The following ABCC9 variants were observed in gnomAD, a reference collection of about 807,000 sequenced individuals.
The protein encoded by ABCC9 is ATP-binding cassette sub-family C member 9.
Under a neutral mutation model 188.3 loss-of-function variants are expected in ABCC9, and 95 were observed. That is an observed-to-expected ratio of 0.50 (90% CI 0.43 to 0.60). The LOEUF (loss-of-function observed/expected upper bound fraction) is 0.60. Ranked by LOEUF, ABCC9 falls within the 20% of genes least tolerant of loss-of-function variation. The pLI, the probability that ABCC9 is intolerant of heterozygous loss-of-function variation, is 0.00. For synonymous variants in ABCC9, 659 were observed against 652.7 expected, an observed-to-expected ratio of 1.01 and a Z score of -0.15; for missense variants, 1,102 against 1,876.3, an observed-to-expected ratio of 0.59 and a Z score of 7.62.
At chr12:21,883,505 T>C (rs1190773708) in intron 15 of ABCC9, among the ~76,000 whole-genome samples, 1 of 152,198 alleles carries the variant, frequency 6.6e-6, no homozygotes, top group African/African-American at 2.4e-5. Context: ...GTGAGTCCAT[T>C]AAACCTCTTT....
At chr12:21,841,679 A>G (rs1000630068) in intron 29 of ABCC9, among the ~76,000 whole-genome samples, 1 of 151,872 alleles carries the variant, frequency 6.6e-6, no homozygotes, top group Admixed American at 6.6e-5. Flanking sequence ...TTTGTTTTCT[A>G]TCAATGTCAT....
intron 12 of ABCC9, among the ~76,000 whole-genome samples, chr12:21,899,607 C>T (rs1947610518): frequency 6.6e-6 from 1 of 152,218 alleles, no homozygotes; most frequent in African/African-American, 2.4e-5. Flanking sequence ...AGGTCACTCC[C>T]ACTCTAATAC....
chr12:21,802,173 G>T (rs928806722), intron 39 of ABCC9, among the ~76,000 whole-genome samples: 4 of 152,132 alleles, frequency 2.6e-5, no homozygotes, highest in Non-Finnish European at 4.4e-5. Flanking sequence ...TATAGTTCCA[G>T]TTTCACATCT....
chr12:21,923,915 C>T (rs1055910302), intron 5 of ABCC9: 1 of 666,858 alleles, frequency 1.5e-6, no homozygotes, highest in Non-Finnish European at 2.7e-6. Context: ...TATAGTTATA[C>T]AATGAAATGC....
In ABCC9 at chr12:21,869,033, TTAAA is replaced by T. The variant is rs376428704; in HGVS notation, c.2198+3588_2198+3591del. Among the ~76,000 whole-genome samples, 120 of 152,328 alleles carry T rather than the reference TTAAA, an allele frequency of 7.9e-4. 3 individuals are homozygous for T. The South Asian group carries it at 0.024, about 30-fold the overall frequency. On this transcript the variant is annotated intron_variant, in intron 18 of 39. Coordinates refer to ENST00000261200, the MANE Select transcript of ABCC9 (RefSeq NM_020297.4). ...TGAAAAAAATAAGTAATTCTTTTAA[TTAAA>T]TAAAAATAGAATTTGCATTAACTTA...
Position 21,818,158 on chromosome 12 carries a change from CA to C in ABCC9, c.3762del (p.Tyr1254Ter). The C allele has an allele frequency of 6.2e-7, 1 of 1,610,376 alleles. No individual in the cohort carries two copies. The highest frequency in any genetic ancestry group is 2.2e-5 in the East Asian group (1 of 44,864). ...NSGLVGLGLLYALTITNYLNW... is the reference protein window; with the variant it reads ...NSGLVGLGLLXALTITNYLNW... ...TTTTTATCCATACCTACCGTAAGTG[CA>C]TACAGAAGACCCAAGCCTACCAATC... On this transcript the variant is annotated frameshift_variant, in exon 32 of 40. Transcript: ENST00000261200. LOFTEE classifies it high-confidence loss of function.
intron 5 of ABCC9, chr12:21,925,582 A>C: frequency 1.4e-6 from 1 of 694,138 alleles, no homozygotes; most frequent in South Asian, 1.5e-5. Context: ...ACTTGTTCAC[A>C]GGGCAGCATG....
chr12:21,904,036 A>G (rs1947906223), intron 12 of ABCC9, among the ~76,000 whole-genome samples: 2 of 152,238 alleles, frequency 1.3e-5, no homozygotes, highest in Admixed American at 1.3e-4. Flanking sequence ...CCATACTACA[A>G]GGCTACAGTA....
At chr12:21,923,831 G>A (rs786205274) in intron 5 of ABCC9, 1 of 700,018 alleles carries the variant, frequency 1.4e-6, no homozygotes, top group Non-Finnish European at 2.6e-6. Context: ...GTTGATAGCA[G>A]CTTTTACTCT....
At chr12:21,837,037 C>G (rs754552079) in intron 30 of ABCC9, among the ~76,000 whole-genome samples, 1 of 151,974 alleles carries the variant, frequency 6.6e-6, no homozygotes, top group Non-Finnish European at 1.5e-5. Context: ...ATGTTCGGTA[C>G]TCAAATGTTT....
chr12:21,829,740 G>A (rs2137280682), intron 30 of ABCC9, among the ~76,000 whole-genome samples: 1 of 152,286 alleles, frequency 6.6e-6, no homozygotes, highest in East Asian at 1.9e-4. Flanking sequence ...AGGATAAATT[G>A]TGTAGAAATG....
chr12:21,922,125 G>A (rs972696572), intron 5 of ABCC9, among the ~76,000 whole-genome samples: 4 of 151,728 alleles, frequency 2.6e-5, no homozygotes, highest in East Asian at 3.9e-4. Flanking sequence ...ATTTTGATAG[G>A]GATTGCATTA....
chr12:21,874,237 C>A (rs1384966854), intron 17 of ABCC9, among the ~76,000 whole-genome samples: 1 of 152,004 alleles, frequency 6.6e-6, no homozygotes, highest in African/African-American at 2.4e-5. Context: ...CAAATGGCCA[C>A]CAGGTATATA....
chr12:21,896,483 T>C (rs1409305843), intron 12 of ABCC9, among the ~76,000 whole-genome samples: 1 of 152,234 alleles, frequency 6.6e-6, no homozygotes, highest in Non-Finnish European at 1.5e-5. Flanking sequence ...GTGCAGGATA[T>C]GCGGGCTTGT....
intron 24 of ABCC9, among the ~76,000 whole-genome samples, chr12:21,850,230 A>C (rs1434616647): frequency 6.6e-6 from 1 of 151,754 alleles, no homozygotes; most frequent in African/African-American, 2.4e-5. Flanking sequence ...GTCCTCTAGG[A>C]GGGAAAATTG....
intron 16 of ABCC9, among the ~76,000 whole-genome samples, chr12:21,878,728 A>G (rs1946486996): frequency 6.6e-6 from 1 of 151,222 alleles, no homozygotes; most frequent in South Asian, 2.1e-4. Flanking sequence ...AAGTAGCAGG[A>G]AAGAACTAAA....
intron 29 of ABCC9, among the ~76,000 whole-genome samples, chr12:21,839,911 A>T (rs987919430): frequency 6.6e-6 from 1 of 152,224 alleles, no homozygotes; most frequent in African/African-American, 2.4e-5. Flanking sequence ...AAGTGGGAGA[A>T]GGAATATGAA....
At chr12:21,864,513 A>C in intron 18 of ABCC9, 36 bp from the exon 19 acceptor site, 1 of 1,475,564 alleles carries the variant, frequency 6.8e-7, no homozygotes, top group Non-Finnish European at 9.5e-7. Context: ...TTAATTATGA[A>C]GTAGAAATAT....
At chr12:21,830,009 A>G (rs1943665643) in intron 30 of ABCC9, among the ~76,000 whole-genome samples, 1 of 152,212 alleles carries the variant, frequency 6.6e-6, no homozygotes, top group African/African-American at 2.4e-5. Flanking sequence ...AAATATTTGT[A>G]AGGATGGTCA....
Sources: gnomAD v4.1 joint callset for allele counts (sites outside exome capture counted in the v4.1 genomes callset) on GRCh38, gnomAD v4.1.1 for gene constraint, MANE v1.5 for transcripts, NCBI Gene and HGNC (gene_info 2026-07-23, HGNC 2026-07-21) for gene names.